Variants in GRAMD1B observed in about 807,000 individuals in gnomAD.
The protein encoded by GRAMD1B is GRAM domain containing 1B, also known as protein Aster-B.
GRAMD1B carries 37 observed loss-of-function variants against 99.7 expected under a neutral mutation model. That is an observed-to-expected ratio of 0.37 (90% confidence interval 0.29 to 0.49). The LOEUF (loss-of-function observed/expected upper bound fraction) is 0.49. GRAMD1B is among the 20% of genes least tolerant of loss of function. The pLI is 0.98. For missense variants in GRAMD1B, 888 were observed against 1,009.2 expected (o/e 0.88, Z 1.63); for synonymous variants, 427 against 387.6 (o/e 1.10, Z -1.19).
chr11:123,598,341 T>A, intron 7 of GRAMD1B: 1 of 1,177,588 alleles, frequency 8.5e-7, no homozygotes, highest in South Asian at 1.2e-5. Flanking sequence ...GTTCTCTTCA[T>A]CTTCACTCTA....
At chr11:123,621,149 G>C (rs1464216700) in intron 19 of GRAMD1B, among the ~76,000 whole-genome samples, 1 of 152,122 alleles carries the variant, frequency 6.6e-6, no homozygotes, top group African/African-American at 2.4e-5. Context: ...TTGAGCACAA[G>C]ATATAAATGA....
At chr11:123,539,446 A>AG in intron 2 of GRAMD1B, among the ~76,000 whole-genome samples, 1 of 152,064 alleles carries the variant, frequency 6.6e-6, no homozygotes, top group Admixed American at 6.5e-5. Context: ...CAAAAATAAA[A>AG]ATAAAAATTA....
chr11:123,391,179 A>C (rs949769733), intron 1 of GRAMD1B, among the ~76,000 whole-genome samples: 43 of 152,096 alleles, frequency 2.8e-4, no homozygotes, highest in Non-Finnish European at 1.2e-4. Flanking sequence ...CACTTGCCCT[A>C]CTTCATCTCA....
At chr11:123,374,391 T>C (rs1946626548) in intron 1 of GRAMD1B, among the ~76,000 whole-genome samples, 1 of 152,228 alleles carries the variant, frequency 6.6e-6, no homozygotes, top group Non-Finnish European at 1.5e-5. Context: ...GTTGAACTTT[T>C]AACTGCAACC....
At chr11:123,584,544 C>T (rs932801232) in intron 4 of GRAMD1B, among the ~76,000 whole-genome samples, 21 of 151,968 alleles carry the variant, frequency 1.4e-4, no homozygotes, top group Admixed American at 1.2e-3. Context: ...ACCAAGGAGG[C>T]GTGGCCAGCT....
At chr11:123,424,655 T>G (rs558747444) in intron 1 of GRAMD1B, among the ~76,000 whole-genome samples, 2 of 152,344 alleles carry the variant, frequency 1.3e-5, no homozygotes, top group East Asian at 3.9e-4. Flanking sequence ...CTATTCTTTT[T>G]TATTGAAATT....
chr11:123,498,631 T>G (rs1939554008), intron 2 of GRAMD1B, among the ~76,000 whole-genome samples: 1 of 152,192 alleles, frequency 6.6e-6, no homozygotes, highest in South Asian at 2.1e-4. Context: ...CTGTGTCCTA[T>G]CTAATATTTT....
intron 2 of GRAMD1B, among the ~76,000 whole-genome samples, chr11:123,488,940 G>A (rs555650762): frequency 3.0e-4 from 46 of 152,046 alleles, no homozygotes; most frequent in Non-Finnish European, 2.1e-4. Flanking sequence ...AGGGGGGGGC[G>A]GTCCTTACCT....
At chr11:123,443,121 C>CG (rs1565502800) in intron 1 of GRAMD1B, among the ~76,000 whole-genome samples, 1 of 152,168 alleles carries the variant, frequency 6.6e-6, no homozygotes, top group African/African-American at 2.4e-5. Flanking sequence ...TGTAGTCCAG[C>CG]GGGTCTTAGC....
Position 123,577,512 on chromosome 11 carries a change from C to A in GRAMD1B, c.598C>A (p.Pro200Thr). 1 of 1,601,404 alleles carries A rather than the reference C, an allele frequency of 6.2e-7. No homozygotes were observed. Among genetic ancestry groups the A allele is most frequent in the Non-Finnish European group, 8.5e-7 (1 of 1,174,300 alleles). Residue 200 changes from proline to threonine, a missense_variant, in exon 3 of 20, where the codon CCG becomes ACG. By Grantham distance (38) the Pro-to-Thr change is conservative. Coordinates refer to ENST00000635736, the MANE Select transcript of GRAMD1B (RefSeq NM_001387025.1). ...DHSSDKSPST[P>T]EQGVQRSCSS... is the part of the protein sequence containing the mutation. ...CTCCTCGGACAAGTCCCCGTCCACACCGGAGCAGGGCGTGCAGCGCAGCTG... is the reference window on the plus strand; with the variant it reads ...CTCCTCGGACAAGTCCCCGTCCACAACGGAGCAGGGCGTGCAGCGCAGCTG...
At chr11:123,480,744 A>G (rs1951551041) in intron 1 of GRAMD1B, 72 bp from the exon 2 acceptor site, 1 of 398,606 alleles carries the variant, frequency 2.5e-6, no homozygotes, top group Non-Finnish European at 4.4e-6. Context: ...GTCTAGTTGA[A>G]GTCTAAGTGA....
At chr11:123,441,531 C>A (rs112318076) in intron 1 of GRAMD1B, among the ~76,000 whole-genome samples, 2,698 of 152,008 alleles carry the variant, frequency 0.018, 76 homozygotes, top group African/African-American at 0.061. Context: ...CCTGTAATCC[C>A]AGAATTTTGG....
chr11:123,431,988 G>A (rs78206655), intron 1 of GRAMD1B: 3 of 398,386 alleles, frequency 7.5e-6, no homozygotes, highest in Non-Finnish European at 8.9e-6. Flanking sequence ...TCGGTACCAC[G>A]AATCCTACAT....
intron 2 of GRAMD1B, among the ~76,000 whole-genome samples, chr11:123,573,830 G>T (rs534903424): frequency 3.0e-4 from 46 of 152,164 alleles, no homozygotes; most frequent in African/African-American, 1.1e-3. Flanking sequence ...CTTGATATTC[G>T]GAATTGGTAA....
chr11:123,456,480 AAG>A (rs1430017484), intron 1 of GRAMD1B, among the ~76,000 whole-genome samples: 5 of 152,124 alleles, frequency 3.3e-5, no homozygotes, highest in African/African-American at 9.7e-5. Flanking sequence ...CTGTTTGAAA[AAG>A]AAAAAATTGG....
rs140434208 is a variant in GRAMD1B, at chr11:123,502,957, G to A, written c.452+22064G>A. 2.9e-3 allele frequency among the ~76,000 whole-genome samples: 446 copies of A among 152,270 alleles called. 1 individual carries two copies. Among genetic ancestry groups the A allele is most frequent in the Middle Eastern group, 6.8e-3 (2 of 294 alleles). On this transcript the variant is annotated intron_variant, in intron 2 of 19. Transcript: ENST00000635736. ...TAGAGTATTGGTTGTTTGCTCATGT[G>A]ATCCCGTGGCTGACTGGGAGCTGTG... is the stretch of plus-strand genomic sequence containing the variant.
At position 123,591,606 on chromosome 11, in the gene GRAMD1B, G is replaced by C. The variant is rs1269522358; in HGVS notation, c.685-2476G>C. 7.5e-6 allele frequency: 3 copies of C among 397,978 alleles called. No individual in the cohort carries two copies. Among genetic ancestry groups the C allele is most frequent in the Admixed American group, 8.8e-5 (2 of 22,714 alleles). 24.7% of individuals were successfully genotyped at this position (397,978 alleles called of 1,614,324 possible). ...TTCTGCACCCTTGTTATGCCACTTGGCTCTCCTACCCGAAGGCCCCAGATT... is the reference window on the plus strand; with the variant it reads ...TTCTGCACCCTTGTTATGCCACTTGCCTCTCCTACCCGAAGGCCCCAGATT... On this transcript the variant is annotated intron_variant, in intron 4 of 19. Transcript: ENST00000635736. The surrounding 1 kb of genome is among the most constrained non-coding windows in gnomAD (Gnocchi z 4.7).
intron 1 of GRAMD1B, among the ~76,000 whole-genome samples, chr11:123,477,757 C>T (rs1479491711): frequency 7.0e-6 from 1 of 143,538 alleles, no homozygotes; most frequent in Non-Finnish European, 1.5e-5. Flanking sequence ...TTTCCCTTTC[C>T]CTTTTCCTTC....
At chr11:123,545,417 A>G (rs549866150) in intron 2 of GRAMD1B, among the ~76,000 whole-genome samples, 4 of 152,336 alleles carry the variant, frequency 2.6e-5, no homozygotes, top group Admixed American at 2.6e-4. Flanking sequence ...AAACCTGGCT[A>G]GTCATCAGAA....
Sources: allele counts gnomAD v4.1 joint callset (sites outside exome capture counted in the v4.1 genomes callset), GRCh38; gene constraint gnomAD v4.1.1; non-coding constraint Gnocchi (gnomAD v3.1); transcripts MANE v1.5; gene names NCBI Gene and HGNC (gene_info 2026-07-23, HGNC 2026-07-21).